The following STIM1 variants were observed in gnomAD, a reference collection of about 807,000 sequenced individuals.
The protein encoded by STIM1 is stromal interaction molecule 1.
A neutral mutation model predicts 74.7 loss-of-function variants in STIM1; 25 were observed. The observed-to-expected ratio is 0.33, with a 90% confidence interval of 0.24 to 0.47. The LOEUF (loss-of-function observed/expected upper bound fraction) is 0.47. Ranked by LOEUF, STIM1 falls within the 20% of genes least tolerant of loss-of-function variation. STIM1 has a pLI of 1.00. For missense variants in STIM1, 728 were observed against 920.8 expected (o/e 0.79, Z 2.71); for synonymous variants, 328 against 348.8 (o/e 0.94, Z 0.66).
chr11:4,081,658 T>C (rs559714437), intron 7 of STIM1, among the ~76,000 whole-genome samples: 2 of 152,320 alleles, frequency 1.3e-5, no homozygotes, highest in Non-Finnish European at 2.9e-5. Context: ...CACTGATAGT[T>C]TGGATTTGCA....
intron 2 of STIM1, among the ~76,000 whole-genome samples, chr11:3,985,131 A>C (rs1240219942): frequency 1.3e-5 from 2 of 152,290 alleles, no homozygotes; most frequent in African/African-American, 4.8e-5. Context: ...TCATGTTTCC[A>C]GGAAAACCCG....
intron 2 of STIM1, among the ~76,000 whole-genome samples, chr11:3,976,293 A>G (rs1028024776): frequency 6.6e-6 from 1 of 152,220 alleles, no homozygotes; most frequent in Admixed American, 6.5e-5. Flanking sequence ...AAAATATTAC[A>G]TACTATGTGA....
rs967949172 is a variant in STIM1 at position 3,955,431 on chromosome 11, C to T, written c.140-12121C>T. Among the ~76,000 whole-genome samples the T allele has an allele frequency of 3.9e-5, 6 of 151,948 alleles. No individual in the cohort carries two copies. The East Asian group carries it at 5.8e-4, about 15-fold the overall frequency. On this transcript the variant is annotated intron_variant, in intron 1 of 12. Coordinates refer to ENST00000526596, the MANE Select transcript of STIM1 (RefSeq NM_001382567.1). ...ATAAGGGTCAAAAACAGGTAAAACTCGTCTATGATGATACAAGTCAGAATG... is the reference window on the plus strand; with the variant it reads ...ATAAGGGTCAAAAACAGGTAAAACTTGTCTATGATGATACAAGTCAGAATG...
chr11:3,964,484 G>A (rs1203019693), intron 1 of STIM1, among the ~76,000 whole-genome samples: 1 of 152,174 alleles, frequency 6.6e-6, no homozygotes, highest in East Asian at 1.9e-4. Context: ...TCACCTGTCT[G>A]TCTGATTAGG....
chr11:4,019,527 T>A (rs1249908149), intron 2 of STIM1, among the ~76,000 whole-genome samples: 1 of 151,816 alleles, frequency 6.6e-6, no homozygotes, highest in Non-Finnish European at 1.5e-5. Flanking sequence ...TTTAAAAAAA[T>A]AGCTCGGTAC....
chr11:3,950,838 C>T (rs1409167701), intron 1 of STIM1, among the ~76,000 whole-genome samples: 1 of 152,088 alleles, frequency 6.6e-6, no homozygotes, highest in Non-Finnish European at 1.5e-5. Flanking sequence ...CTTTGTTGCC[C>T]AGGCTGATCT....
At chr11:4,081,508 T>C (rs2094465231) in intron 7 of STIM1, among the ~76,000 whole-genome samples, 1 of 152,218 alleles carries the variant, frequency 6.6e-6, no homozygotes, top group South Asian at 2.1e-4. Context: ...ATAGACGCAG[T>C]CTCTGGGCTA....
chr11:3,994,594 G>T (rs1352375746), intron 2 of STIM1, among the ~76,000 whole-genome samples: 2 of 151,564 alleles, frequency 1.3e-5, no homozygotes, highest in African/African-American at 2.4e-5. Context: ...CAAGTAGCTG[G>T]GATCGCAGGC....
chr11:4,083,205 A>G lies in STIM1; in HGVS notation c.1239-58A>G. On this transcript the variant is annotated intron_variant, in intron 9 of 12. Transcript: ENST00000526596. ...ACTTGTTCCTCTGAGAAGAGGCTTC[A>G]TTCCTATTGGGGCTCACACCAAGTC... 3 of 1,554,494 alleles carry G rather than the reference A, an allele frequency of 1.9e-6. No homozygotes were observed. In the South Asian group the frequency reaches 3.3e-5, roughly 17 times the overall value.
chr11:4,061,652 A>C (rs2094331622), intron 5 of STIM1, among the ~76,000 whole-genome samples: 1 of 152,218 alleles, frequency 6.6e-6, no homozygotes. Flanking sequence ...GTATATATGC[A>C]AAGAATTGAA....
In STIM1 at chr11:4,079,649, A is replaced by G. The variant is rs558597457; in HGVS notation, c.970-2535A>G. 2.8e-4 allele frequency among the ~76,000 whole-genome samples: 43 copies of G among 152,362 alleles called. 1 individual carries two copies. The highest frequency in any genetic ancestry group is 2.2e-3 in the Admixed American group (34 of 15,306). On this transcript the variant is annotated intron_variant, in intron 7 of 12. Transcript: ENST00000526596. ...ACAACATATTTTCTAAATTTTTCAA[A>G]ATAAAAACAATTTTGAAAACACAAT...
chr11:3,875,476 A>T (rs1476388948), intron 1 of STIM1, among the ~76,000 whole-genome samples: 3 of 152,210 alleles, frequency 2.0e-5, no homozygotes, highest in African/African-American at 7.2e-5. Flanking sequence ...TTGTAATCCC[A>T]GCACTTTGGG....
At chr11:3,953,165 T>G (rs1280359390) in intron 1 of STIM1, among the ~76,000 whole-genome samples, 1 of 152,232 alleles carries the variant, frequency 6.6e-6, no homozygotes, top group Non-Finnish European at 1.5e-5. Context: ...ATATTCTTTT[T>G]CCCTTTTTGC....
chr11:3,991,950 C>CAAAAAAAAAAAAAA (rs1230185435), intron 2 of STIM1, among the ~76,000 whole-genome samples: 2 of 36,684 alleles, frequency 5.5e-5, no homozygotes, highest in African/African-American at 1.4e-4. Flanking sequence ...AACTCCATCT[C>CAAAAAAAAAAAAAA]AAAAAAAAAA....
intron 1 of STIM1, chr11:3,888,160 G>A (rs961606647): frequency 1.3e-5 from 2 of 152,274 alleles, no homozygotes; most frequent in Non-Finnish European, 2.9e-5. Context: ...AAACAGGTGA[G>A]GCTTTTAGGT....
At chr11:3,891,367 G>T (rs2135378264) in intron 1 of STIM1, among the ~76,000 whole-genome samples, 1 of 151,572 alleles carries the variant, frequency 6.6e-6, no homozygotes, top group East Asian at 1.9e-4. Flanking sequence ...TCGGCTCACT[G>T]CAACCTCTGC....
At chr11:3,904,396 G>T (rs1270886102) in intron 1 of STIM1, among the ~76,000 whole-genome samples, 2 of 151,958 alleles carry the variant, frequency 1.3e-5, no homozygotes, top group East Asian at 3.9e-4. Flanking sequence ...CCCTGAACTG[G>T]AGTGTTGGAC....
At chr11:3,946,015 G>A (rs1230290502) in intron 1 of STIM1, among the ~76,000 whole-genome samples, 1 of 152,088 alleles carries the variant, frequency 6.6e-6, no homozygotes, top group Non-Finnish European at 1.5e-5. Flanking sequence ...CAAGCCAGGA[G>A]GGATCCGCCC....
chr11:4,009,739 C>T (rs536621744), intron 2 of STIM1, among the ~76,000 whole-genome samples: 184 of 152,250 alleles, frequency 1.2e-3, no homozygotes, highest in African/African-American at 4.2e-3. Flanking sequence ...TCTCACTCTC[C>T]TTTTCCAATT....
Sources: gnomAD v4.1 joint callset for allele counts (sites outside exome capture counted in the v4.1 genomes callset) on GRCh38, gnomAD v4.1.1 for gene constraint, MANE v1.5 for transcripts, NCBI Gene and HGNC (gene_info 2026-07-23, HGNC 2026-07-21) for gene names.